The following MECR variants were observed in gnomAD, a reference collection of about 807,000 sequenced individuals.
MECR encodes the protein mitochondrial trans-2-enoyl-CoA reductase.
MECR carries 37 observed loss-of-function variants against 49.1 expected under a neutral mutation model. The ratio of observed to expected loss-of-function variants is 0.75; its 90% confidence interval spans 0.58 to 0.99. The LOEUF is 0.99. MECR is among the 50% of genes least tolerant of loss of function. The pLI is 0.00. For missense variants in MECR, 470 were observed against 479.6 expected (o/e 0.98, Z 0.19); for synonymous variants, 198 against 191.1 (o/e 1.04, Z -0.30).
At chr1:29,221,420 G>T (rs1680741734) in intron 1 of MECR, among the ~76,000 whole-genome samples, 1 of 152,196 alleles carries the variant, frequency 6.6e-6, no homozygotes, top group Admixed American at 6.5e-5. Context: ...GCATTTACAG[G>T]GCGGATGGAG....
intron 1 of MECR, among the ~76,000 whole-genome samples, chr1:29,229,881 C>A (rs780986303): frequency 6.6e-6 from 1 of 152,226 alleles, no homozygotes; most frequent in Non-Finnish European, 1.5e-5. Context: ...TGGCAACTGA[C>A]ATACTATTTT....
At chr1:29,176,616 T>G in the MECR span, among the ~76,000 whole-genome samples, 3 of 152,176 alleles carry the variant, frequency 2.0e-5, no homozygotes, top group South Asian at 6.2e-4. Context: ...GAAAAATCCC[T>G]GTGTAGGTGC....
chr1:29,196,160 C>T (rs779078114), intron 8 of MECR, 38 bp downstream of exon 8: 2 of 1,613,180 alleles, frequency 1.2e-6, no homozygotes, highest in Non-Finnish European at 8.5e-7. Flanking sequence ...AGGTGTCTGG[C>T]CCGGCTCCAG....
At chr1:29,203,753 G>A (rs761897978) in intron 4 of MECR, among the ~76,000 whole-genome samples, 1 of 152,338 alleles carries the variant, frequency 6.6e-6, no homozygotes, top group Admixed American at 6.5e-5. Flanking sequence ...ACACTTCATT[G>A]TATATAGGTC....
intron 4 of MECR, among the ~76,000 whole-genome samples, chr1:29,205,980 C>A (rs1421118356): frequency 1.3e-5 from 2 of 152,134 alleles, no homozygotes; most frequent in East Asian, 1.9e-4. Context: ...TCAGAGAAAC[C>A]CAAATAAAAA....
the MECR span, chr1:29,173,100 C>CTACATT: frequency 6.7e-6 from 1 of 150,116 alleles, no homozygotes; most frequent in Non-Finnish European, 1.5e-5. Context: ...TACAATTAAC[C>CTACATT]TACATTTATT....
intron 1 of MECR, chr1:29,224,564 T>C (rs183595298): frequency 6.6e-6 from 1 of 152,320 alleles, no homozygotes; most frequent in African/African-American, 2.4e-5. Context: ...TGAGGGCCCG[T>C]CTTGTCTTGG....
the MECR span, chr1:29,181,804 GGCGGGCAAAGCGAGAGCACGGCGGCA>G: frequency 2.6e-5 from 39 of 1,475,502 alleles, no homozygotes; most frequent in Admixed American, 4.4e-5. Context: ...CTTAGGCGGC[GGCGGGCAAAGCGAGAGCACGGCGGCA>G]GCGGCGGCGG....
At chr1:29,202,921 T>C (rs1392894963) in intron 5 of MECR, among the ~76,000 whole-genome samples, 1 of 152,218 alleles carries the variant, frequency 6.6e-6, no homozygotes, top group African/African-American at 2.4e-5. Flanking sequence ...TCTCTTTACA[T>C]GTCAGATTCA....
At chr1:29,221,307 T>C (rs1336638495) in intron 1 of MECR, 1 of 151,902 alleles carries the variant, frequency 6.6e-6, no homozygotes, top group African/African-American at 2.4e-5. Context: ...AGGCTTGTGG[T>C]GCTGAGGTTG....
the MECR span, among the ~76,000 whole-genome samples, chr1:29,180,846 G>C: frequency 6.6e-6 from 1 of 152,150 alleles, no homozygotes; most frequent in African/African-American, 2.4e-5. Context: ...TCATACTCTG[G>C]GGGAGGCAGT....
chr1:29,173,857 T>C, the MECR span, among the ~76,000 whole-genome samples: 2 of 151,884 alleles, frequency 1.3e-5, no homozygotes, highest in East Asian at 1.9e-4. Context: ...TAGAAAAAAT[T>C]AGTTTAAAAA....
intron 1 of MECR, among the ~76,000 whole-genome samples, chr1:29,221,564 C>T (rs563670911): frequency 2.6e-5 from 4 of 152,216 alleles, no homozygotes; most frequent in African/African-American, 7.2e-5. Flanking sequence ...CTTAAATAAG[C>T]GACACTAATG....
chr1:29,219,974 G>A (rs1680362136), intron 1 of MECR, among the ~76,000 whole-genome samples: 1 of 152,126 alleles, frequency 6.6e-6, no homozygotes, highest in South Asian at 2.1e-4. Flanking sequence ...CAGAATATGT[G>A]TATATGTGCT....
At chr1:29,189,394 GT>G (rs953991728), downstream of MECR, among the ~76,000 whole-genome samples, 14 of 127,456 alleles carry the variant, frequency 1.1e-4, no homozygotes, top group African/African-American at 3.4e-4. Flanking sequence ...GTAGAGATGG[GT>G]TGGGGGGGGG....
the MECR span, among the ~76,000 whole-genome samples, chr1:29,183,811 G>A: frequency 6.6e-6 from 1 of 151,456 alleles, no homozygotes; most frequent in African/African-American, 2.4e-5. Flanking sequence ...AGATATTTAT[G>A]GGATCAATTT....
At chr1:29,180,984 C>A in the MECR span, among the ~76,000 whole-genome samples, 6 of 152,198 alleles carry the variant, frequency 3.9e-5, no homozygotes, top group African/African-American at 1.4e-4. Context: ...GAAACCACAG[C>A]GTGGAAACTC....
At chr1:29,216,538 G>A (rs746602075) in intron 2 of MECR, 50 bp downstream of exon 2, 5 of 1,544,858 alleles carry the variant, frequency 3.2e-6, no homozygotes, top group East Asian at 4.5e-5. Flanking sequence ...AAATGAGGTG[G>A]CAGCTGAACA....
intron 3 of MECR, among the ~76,000 whole-genome samples, chr1:29,207,578 G>GAAAA (rs552884865): frequency 9.5e-6 from 1 of 105,484 alleles, no homozygotes. Context: ...TGTCTCTACA[G>GAAAA]AAAAAAAAAA....
Sources: allele counts gnomAD v4.1 joint callset (sites outside exome capture counted in the v4.1 genomes callset), GRCh38; gene constraint gnomAD v4.1.1; transcripts MANE v1.5; gene names NCBI Gene and HGNC (gene_info 2026-07-23, HGNC 2026-07-21).